Variants in FIGNL2 observed in about 807,000 individuals in gnomAD.
The protein encoded by FIGNL2 is fidgetin like 2, also known as fidgetin-like protein 2.
For missense variants in FIGNL2, 1,060 were observed against 950.2 expected, an observed-to-expected ratio of 1.12 and a Z score of -1.52; for synonymous variants, 565 against 484.0, an observed-to-expected ratio of 1.17 and a Z score of -2.20.
In FIGNL2 at chr12:51,821,136, C is replaced by A. The variant is rs1485932222; in HGVS notation, c.1278G>T (p.Arg426=). 1.4e-6 allele frequency: 2 copies of A among 1,459,062 alleles called. No individual in the cohort carries two copies. Among genetic ancestry groups the A allele is most frequent in the Non-Finnish European group, 1.8e-6 (2 of 1,118,368 alleles). The allele number at this position is 1,459,062 out of a possible 1,614,324, so 90.4% of individuals were successfully genotyped here. The change falls in exon 2 of 2, where the codon CGG becomes CGT. Residue 426 remains arginine (R), a synonymous_variant. Transcript: ENST00000618634. ...CCCGCGGCCCAAAGAGCAGGACGGT[C>A]CGCGGCGGGCGCAGGCTGCCCGGGT... is the stretch of plus-strand genomic sequence containing the variant. The part of the protein sequence containing the change: ...PAYPGSLRPP[R]TVLLFGPRGA...
chr12:51,842,050 C>G (rs529316878), intron 1 of FIGNL2: 3 of 151,806 alleles, frequency 2.0e-5, no homozygotes, highest in African/African-American at 7.2e-5. Flanking sequence ...AAGGGCTCTC[C>G]CCTCCTCTCC....
intron 1 of FIGNL2, among the ~76,000 whole-genome samples, chr12:51,834,012 A>AATGG (rs1229120315): frequency 2.1e-3 from 36 of 16,980 alleles, no homozygotes; most frequent in Admixed American, 9.9e-3. Flanking sequence ...TGGACAGACA[A>AATGG]ATGGACGGAT....
Position 51,821,953 on chromosome 12 carries a change from G to A in FIGNL2, c.461C>T (p.Ala154Val). The A allele has an allele frequency of 3.9e-6, 6 of 1,528,560 alleles. No homozygotes were observed. Among genetic ancestry groups the A allele is most frequent in the South Asian group, 1.2e-5 (1 of 82,412 alleles). The allele number at this position is 1,528,560 out of a possible 1,614,324, so 94.7% of individuals were successfully genotyped here. ...YAGNACGGPS[A>V]APEYAAGYGG... is the part of the protein sequence containing the mutation. ...GTAGCCGGCCGCGTACTCGGGCGCC[G>A]CCGATGGGCCCCCGCACGCATTGCC... Residue 154 changes from alanine to valine, a missense_variant, in exon 2 of 2, where the codon GCG becomes GTG. Transcript: ENST00000618634.
intron 1 of FIGNL2, among the ~76,000 whole-genome samples, chr12:51,824,699 G>A (rs534996138): frequency 1.3e-5 from 2 of 152,264 alleles, no homozygotes; most frequent in Non-Finnish European, 2.9e-5. Flanking sequence ...GTAATTTCCT[G>A]GAACATCAGA....
chr12:51,821,736 G>C lies in FIGNL2; in HGVS notation c.678C>G (p.Pro226=). The change falls in exon 2 of 2, where the codon CCC becomes CCG. Residue 226 remains proline (P), a synonymous_variant. Coordinates refer to ENST00000618634, the MANE Select transcript of FIGNL2 (RefSeq NM_001384995.1). ...YGALPPPPGP[P]PAPYLTPGLP... is the part of the protein sequence containing the mutation. The stretch of plus-strand genomic sequence containing the variant: ...GGCCCGGGGTCAGGTAGGGGGCCGG[G>C]GGTGGGCCTGGGGGCGGCGGGAGCG... The C allele has an allele frequency of 3.8e-6, 5 of 1,303,188 alleles. No individual in the cohort carries two copies. The highest frequency in any genetic ancestry group is 4.8e-6 in the Non-Finnish European group (5 of 1,033,320). 80.7% of individuals were successfully genotyped at this position (1,303,188 alleles called of 1,614,324 possible).
At chr12:51,823,930 A>G (rs1381276027) in intron 1 of FIGNL2, among the ~76,000 whole-genome samples, 3 of 152,186 alleles carry the variant, frequency 2.0e-5, no homozygotes, top group South Asian at 2.1e-4. Context: ...GCTCAGGGCA[A>G]CTTCCCAAGG....
rs1221204991 is a variant in FIGNL2 at position 51,819,161 on chromosome 12, C to T, written c.*1291G>A. On this transcript the variant is annotated 3_prime_UTR_variant, in exon 2 of 2. Coordinates refer to ENST00000618634, the MANE Select transcript of FIGNL2 (RefSeq NM_001384995.1). The stretch of plus-strand genomic sequence containing the variant: ...CCTCTGCCAAGGCAGGGCCAGGGGA[C>T]ATGACCTTTCTGGAGACTTTCTGCT... The T allele has an allele frequency of 1.3e-5, 2 of 152,300 alleles. No individual in the cohort carries two copies. Among genetic ancestry groups the T allele is most frequent in the African/African-American group, 4.8e-5 (2 of 41,460 alleles). The allele number at this position is 152,300 out of a possible 1,614,324, so 9.4% of individuals were successfully genotyped here. A position where few individuals can be genotyped will look rare whatever the true frequency, so the allele number is the denominator to read the frequency against.
intron 1 of FIGNL2, among the ~76,000 whole-genome samples, chr12:51,842,389 G>A (rs1326358968): frequency 6.6e-6 from 1 of 152,204 alleles, no homozygotes; most frequent in Non-Finnish European, 1.5e-5. Context: ...GGTGTCCAGA[G>A]AGTTCCCAGG....
rs985157497 is a variant in FIGNL2, at chr12:51,818,095, G to C, written c.*2357C>G. 2 of 152,194 alleles carry C rather than the reference G, an allele frequency of 1.3e-5. No individual in the cohort carries two copies. Among genetic ancestry groups the C allele is most frequent in the Non-Finnish European group, 2.9e-5 (2 of 68,120 alleles). 9.4% of individuals were successfully genotyped at this position (152,194 alleles called of 1,614,324 possible). A position where few individuals can be genotyped will look rare whatever the true frequency, so the allele number is the denominator to read the frequency against. ...CCAGTCTGGGTAGAGGAAGGGGAGAGGCCAGCTCGGAAGTCACCCTCCCCA... is the reference window on the plus strand; with the variant it reads ...CCAGTCTGGGTAGAGGAAGGGGAGACGCCAGCTCGGAAGTCACCCTCCCCA... On this transcript the variant is annotated 3_prime_UTR_variant, in exon 2 of 2. Transcript: ENST00000618634.
chr12:51,834,254 C>T (rs547945081), intron 1 of FIGNL2, among the ~76,000 whole-genome samples: 4 of 152,124 alleles, frequency 2.6e-5, no homozygotes, highest in Admixed American at 2.6e-4. Flanking sequence ...GCCAGGGGCT[C>T]ACCTCAGGAA....
chr12:51,833,652 C>T (rs1939513932), intron 1 of FIGNL2, among the ~76,000 whole-genome samples: 1 of 152,204 alleles, frequency 6.6e-6, no homozygotes, highest in African/African-American at 2.4e-5. Flanking sequence ...CCTGCCTCTG[C>T]CCTGCCTGGA....
intron 1 of FIGNL2, chr12:51,828,443 A>G (rs890080004): frequency 2.0e-5 from 3 of 152,242 alleles, no homozygotes; most frequent in Non-Finnish European, 2.9e-5. Flanking sequence ...GACTCTACCC[A>G]CAGGACGAAG....
At chr12:51,846,766 C>T (rs1385653775) in intron 1 of FIGNL2, among the ~76,000 whole-genome samples, 1 of 152,180 alleles carries the variant, frequency 6.6e-6, no homozygotes, top group Non-Finnish European at 1.5e-5. Flanking sequence ...GAATGCGGGT[C>T]CTCTAGGCCT....
intron 1 of FIGNL2, among the ~76,000 whole-genome samples, chr12:51,843,042 C>T (rs1939687357): frequency 6.6e-6 from 1 of 152,154 alleles, no homozygotes; most frequent in African/African-American, 2.4e-5. Flanking sequence ...CTTGGGCTCT[C>T]CCTGGCCATG....
At position 51,836,433 on chromosome 12, in the gene FIGNL2, A is replaced by G. The variant is rs189314622; in HGVS notation, c.-12+12107T>C. ...AGCAGAGAGGGAGAAACGTGACCAC[A>G]GTGAAAGCACTCTCAAGTGGTAACA... On this transcript the variant is annotated intron_variant, in intron 1 of 1. Transcript: ENST00000618634. Among the ~76,000 whole-genome samples, 575 of 151,934 alleles carry G rather than the reference A, an allele frequency of 3.8e-3. 3 individuals carry two copies. Among genetic ancestry groups the G allele is most frequent in the African/African-American group, 0.013 (550 of 41,450 alleles).
chr12:51,826,171 GCC>G (rs55797450), intron 1 of FIGNL2, among the ~76,000 whole-genome samples: 6 of 151,846 alleles, frequency 4.0e-5, no homozygotes, highest in African/African-American at 1.5e-4. Context: ...TGCTGGGCCC[GCC>G]CCCCCCACAC....
chr12:51,848,085 A>C (rs946218132), intron 1 of FIGNL2: 105 of 784,270 alleles, frequency 1.3e-4, no homozygotes, highest in Middle Eastern at 1.3e-3. Flanking sequence ...CACCCCTCCC[A>C]CACACACACA....
In FIGNL2 at chr12:51,822,103, G is replaced by A. The variant is rs1269993649; in HGVS notation, c.311C>T (p.Pro104Leu). The A allele has an allele frequency of 1.2e-6, 2 of 1,611,068 alleles. No homozygotes were observed. The highest frequency in any genetic ancestry group is 4.5e-5 in the East Asian group (2 of 44,772). ...GTGGAGTGAGGCCAAGGGGTAGGGT[G>A]GCTCCGGCCCTGGCCAGGGCTCGGG... is the stretch of plus-strand genomic sequence containing the variant. Reference protein sequence around the residue: ...GDPEPWPGPEPPYPLASLHEG... With the variant: ...GDPEPWPGPELPYPLASLHEG... Residue 104 changes from proline (P) to leucine (L), a missense_variant, in exon 2 of 2, where the codon CCA becomes CTA. By Grantham distance (98) the Pro-to-Leu change is moderately conservative. Coordinates refer to ENST00000618634, the MANE Select transcript of FIGNL2 (RefSeq NM_001384995.1).
At chr12:51,830,493 GTTT>G (rs1279826960) in intron 1 of FIGNL2, among the ~76,000 whole-genome samples, 278 of 83,110 alleles carry the variant, frequency 3.3e-3, no homozygotes, top group African/African-American at 9.2e-3. Flanking sequence ...ATATTGAGTT[GTTT>G]TTTTTTTTTT....
Sources: allele counts gnomAD v4.1 joint callset (sites outside exome capture counted in the v4.1 genomes callset), GRCh38; gene constraint gnomAD v4.1.1; transcripts MANE v1.5; gene names NCBI Gene and HGNC (gene_info 2026-07-23, HGNC 2026-07-21).